The following TMEM8B variants were observed in gnomAD, a reference collection of about 807,000 sequenced individuals.
TMEM8B encodes nasopharyngeal carcinoma expressed 6.
A neutral mutation model predicts 49.3 loss-of-function variants in TMEM8B; 29 were observed. That is an observed-to-expected ratio of 0.59 (90% CI 0.44 to 0.80). The LOEUF is 0.80. TMEM8B is among the 30% of genes least tolerant of loss of function. TMEM8B has a pLI of 0.00. For missense variants in TMEM8B, 575 were observed against 658.5 expected, an observed-to-expected ratio of 0.87 and a Z score of 1.39; for synonymous variants, 264 against 272.8, an observed-to-expected ratio of 0.97 and a Z score of 0.32.
At position 35,846,023 on chromosome 9, in the gene TMEM8B, G is replaced by A. The variant is rs1831504799; in HGVS notation, c.1684G>A (p.Glu562Lys). ...NVTVFGCLTH[E>K]VPLSLGDAAV... ...GACGGTGTTTGGATGCTTGACTCAC[G>A]AGGTGCCCTTGAGCCTGGGGGATGC... Residue 562 changes from glutamate to lysine, a missense_variant, in exon 7 of 13, where the codon GAG (glutamate) becomes AAG (lysine). Physicochemically the swap from Glu to Lys is moderately conservative, Grantham distance 56. Transcript: ENST00000643932. 1.2e-6 allele frequency: 2 copies of A among 1,613,860 alleles called. No homozygotes were observed. The highest frequency in any genetic ancestry group is 1.7e-6 in the Non-Finnish European group (2 of 1,180,014).
chr9:35,841,899 C>T lies in TMEM8B; in HGVS notation c.1309+105C>T, dbSNP rs1831037148. 2.4e-6 allele frequency: 1 copy of T among 412,188 alleles called. No individual in the cohort carries two copies. Among genetic ancestry groups the T allele is most frequent in the East Asian group, 3.6e-5 (1 of 28,084 alleles). The allele number at this position is 412,188 out of a possible 1,614,324, so 25.5% of individuals were successfully genotyped here. A position where few individuals can be genotyped will look rare whatever the true frequency, so the allele number is the denominator to read the frequency against. Reference sequence around the variant, plus strand: ...CTCTGCCATATCCCTACAACCTCCCCTCCCCATCCCAAGCTCCTTCATGCT... The same window carrying T: ...CTCTGCCATATCCCTACAACCTCCCTTCCCCATCCCAAGCTCCTTCATGCT... On this transcript the variant is annotated intron_variant, in intron 5 of 12. Transcript: ENST00000643932. This position sits in a 1 kb window ranked among gnomAD's most constrained non-coding sequence, Gnocchi z 5.9.
intron 6 of TMEM8B, 55 bp from the exon 7 acceptor site, chr9:35,845,919 GC>G: frequency 6.2e-7 from 1 of 1,609,454 alleles, no homozygotes; most frequent in African/African-American, 1.3e-5. Flanking sequence ...TCTGAGGGTG[GC>G]GGTGGGTGGA....
intron 2 of TMEM8B, 27 bp from the exon 3 acceptor site, chr9:35,834,984 C>T: frequency 2.4e-6 from 1 of 415,822 alleles, no homozygotes; most frequent in Non-Finnish European, 4.4e-6. Context: ...TGTCTGCTTT[C>T]CTCCTCTCCT....
In TMEM8B at chr9:35,864,459, G is replaced by A. The variant is rs1484885030; in HGVS notation, c.*10619G>A. ...CTGTGTGGCAGAGAAGATGAGGATG[G>A]CCCTGGAGTCAGACGGGACTAGGGT... On this transcript the variant is annotated 3_prime_UTR_variant, in exon 13 of 13. Coordinates refer to ENST00000643932, the MANE Select transcript of TMEM8B (RefSeq NM_001042590.4). The A allele has an allele frequency of 6.6e-6, 1 of 152,232 alleles. No individual in the cohort carries two copies. Among genetic ancestry groups the A allele is most frequent in the African/African-American group, 2.4e-5 (1 of 41,456 alleles). The allele number at this position is 152,232 out of a possible 1,614,324, so 9.4% of individuals were successfully genotyped here.
chr9:35,864,227 T>C lies in TMEM8B; in HGVS notation c.*10387T>C, dbSNP rs1475204972. ...CATTTCCTCATATGTTTCTAGCAAC[T>C]TCCAACCTGAGGTCTGATAGACCCA... On this transcript the variant is annotated 3_prime_UTR_variant, in exon 13 of 13. Coordinates refer to ENST00000643932, the MANE Select transcript of TMEM8B (RefSeq NM_001042590.4). 1.3e-5 allele frequency: 2 copies of C among 152,224 alleles called. No individual in the cohort carries two copies. Among genetic ancestry groups the C allele is most frequent in the Admixed American group, 1.3e-4 (2 of 15,286 alleles). The allele number at this position is 152,224 out of a possible 1,614,324, so 9.4% of individuals were successfully genotyped here.
chr9:35,849,728 A>G (rs773246827), intron 10 of TMEM8B, among the ~76,000 whole-genome samples: 1 of 152,246 alleles, frequency 6.6e-6, no homozygotes, highest in Non-Finnish European at 1.5e-5. Context: ...AGAAAAAGGC[A>G]TGGCCCCAGT....
chr9:35,833,371 G>A (rs902770808), intron 1 of TMEM8B: 3 of 985,142 alleles, frequency 3.0e-6, no homozygotes, highest in African/African-American at 3.5e-5. Context: ...TGGCTGGTCC[G>A]AAGTCTCCAG....
At chr9:35,849,304 C>T (rs553842226) in intron 10 of TMEM8B, among the ~76,000 whole-genome samples, 3 of 152,104 alleles carry the variant, frequency 2.0e-5, no homozygotes, top group Non-Finnish European at 4.4e-5. Context: ...TAGGAGCAGA[C>T]AGTAGGTTTA....
chr9:35,839,202 G>A (rs1002868774), intron 3 of TMEM8B, among the ~76,000 whole-genome samples: 3 of 152,224 alleles, frequency 2.0e-5, no homozygotes, highest in African/African-American at 7.2e-5. Context: ...TACATACGAG[G>A]ACATTGTAGG....
chr9:35,857,335 TC>T lies in TMEM8B; in HGVS notation c.*3497del, dbSNP rs1832570017. 1 of 152,206 alleles carries T rather than the reference TC, an allele frequency of 6.6e-6. No homozygotes were observed. The highest frequency in any genetic ancestry group is 1.5e-5 in the Non-Finnish European group (1 of 68,054). The allele number at this position is 152,206 out of a possible 1,614,324, so 9.4% of individuals were successfully genotyped here. On this transcript the variant is annotated 3_prime_UTR_variant, in exon 13 of 13. Transcript: ENST00000643932. ...GATGGGACAAGTGTGAAGTGGAAGA[TC>T]CTGACAAAGTGCTGTAGGATGTAAA...
At position 35,846,481 on chromosome 9, in the gene TMEM8B, C is replaced by G; in HGVS notation, c.1866C>G (p.Cys622Trp). ...AGTTTGTGCGCAGGTTCGTGCGGTG[C>G]CGCAACGCGACGGCCGAGGTGCGGA... ...LCGVGPRFVR[C>W]RNATAEVRMR... is the part of the protein sequence containing the mutation. The change falls in exon 9 of 13, where the codon TGC becomes TGG. Residue 622 changes from cysteine (C) to tryptophan (W), a missense_variant. Transcript: ENST00000643932. 1.3e-6 allele frequency: 2 copies of G among 1,599,334 alleles called. No individual in the cohort carries two copies. Among genetic ancestry groups the G allele is most frequent in the Non-Finnish European group, 1.7e-6 (2 of 1,172,970 alleles).
intron 10 of TMEM8B, 122 bp downstream of exon 10, chr9:35,847,117 A>G (rs1279481874): frequency 3.1e-6 from 5 of 1,614,104 alleles, no homozygotes; most frequent in Admixed American, 1.7e-5. Flanking sequence ...TGTCTTCTAC[A>G]GACAGAGACA....
At position 35,853,289 on chromosome 9, in the gene TMEM8B, C is replaced by A. The variant is rs755158200; in HGVS notation, c.2439+32C>A. The A allele has an allele frequency of 6.3e-7, 1 of 1,579,718 alleles. No individual in the cohort carries two copies. Among genetic ancestry groups the A allele is most frequent in the South Asian group, 1.1e-5 (1 of 90,228 alleles). Reference sequence around the variant, plus strand: ...GTGGGGAGGGATGTGGGGGGAGGGTCCCAGCAGGACTTGGGTGCTGGGCCC... The same window carrying A: ...GTGGGGAGGGATGTGGGGGGAGGGTACCAGCAGGACTTGGGTGCTGGGCCC... On this transcript the variant is annotated intron_variant, in intron 12 of 12. Coordinates refer to ENST00000643932, the MANE Select transcript of TMEM8B (RefSeq NM_001042590.4). This position sits in a 1 kb window ranked among gnomAD's most constrained non-coding sequence, Gnocchi z 4.2.
rs1430661384 is a variant in TMEM8B at position 35,842,981 on chromosome 9, G to C, written c.1635+264G>C. Among the ~76,000 whole-genome samples, 2 of 152,164 alleles carry C rather than the reference G, an allele frequency of 1.3e-5. No homozygotes were observed. Among genetic ancestry groups the C allele is most frequent in the Non-Finnish European group, 2.9e-5 (2 of 68,036 alleles). ...TAGGCTCACTTCCTGCTCATTACTGGCCTTTCACTACGGTAGTTGTTAACC... is the reference window on the plus strand; with the variant it reads ...TAGGCTCACTTCCTGCTCATTACTGCCCTTTCACTACGGTAGTTGTTAACC... On this transcript the variant is annotated intron_variant, in intron 6 of 12. Coordinates refer to ENST00000643932, the MANE Select transcript of TMEM8B (RefSeq NM_001042590.4). The surrounding 1 kb of genome is among the most constrained non-coding windows in gnomAD (Gnocchi z 5.6).
intron 3 of TMEM8B, among the ~76,000 whole-genome samples, chr9:35,836,261 C>G (rs1180179698): frequency 6.6e-6 from 1 of 152,128 alleles, no homozygotes; most frequent in African/African-American, 2.4e-5. Flanking sequence ...AGAGAACTCC[C>G]TATCAAGGCC....
chr9:35,834,901 A>T (rs879385170), intron 2 of TMEM8B, 110 bp from the exon 3 acceptor site: 1 of 414,296 alleles, frequency 2.4e-6, no homozygotes, highest in Non-Finnish European at 4.4e-6. Context: ...CAGTATAGGG[A>T]ATCTATTTGT....
chr9:35,848,675 CTTTT>C (rs34593597), intron 10 of TMEM8B, among the ~76,000 whole-genome samples: 2 of 132,118 alleles, frequency 1.5e-5, no homozygotes, highest in African/African-American at 2.8e-5. Flanking sequence ...TGTTTTTTTT[CTTTT>C]TTTTTTTTTT....
rs1832720220 is a variant in TMEM8B at position 35,865,345 on chromosome 9, A to C, written c.*11505A>C. The C allele has an allele frequency of 6.6e-6, 1 of 152,174 alleles. No individual in the cohort carries two copies. The highest frequency in any genetic ancestry group is 1.5e-5 in the Non-Finnish European group (1 of 68,034). The allele number at this position is 152,174 out of a possible 1,614,324, so 9.4% of individuals were successfully genotyped here. A position where few individuals can be genotyped will look rare whatever the true frequency, so the allele number is the denominator to read the frequency against. ...ACACCGAGTACAGGCGAGGGACTTT[A>C]TTAGGTCAGGGATTTAATCAGGCAT... On this transcript the variant is annotated 3_prime_UTR_variant, in exon 13 of 13. Coordinates refer to ENST00000643932, the MANE Select transcript of TMEM8B (RefSeq NM_001042590.4).
chr9:35,852,675 G>T, intron 10 of TMEM8B, 152 bp from the exon 11 acceptor site: 1 of 852,412 alleles, frequency 1.2e-6, no homozygotes, highest in Non-Finnish European at 1.9e-6. Flanking sequence ...CTCAGGATTT[G>T]GGGAGTCAGG....
Sources: allele counts gnomAD v4.1 joint callset (sites outside exome capture counted in the v4.1 genomes callset), GRCh38; gene constraint gnomAD v4.1.1; non-coding constraint Gnocchi (gnomAD v3.1); transcripts MANE v1.5; gene names NCBI Gene and HGNC (gene_info 2026-07-23, HGNC 2026-07-21).